SLC26A7: variants seen among roughly 807,000 people sequenced by gnomAD.
SLC26A7 encodes anion exchange transporter.
In SLC26A7, 59 loss-of-function variants were observed where a neutral mutation model predicts 82.5. The ratio of observed to expected loss-of-function variants is 0.72; its 90% CI spans 0.58 to 0.89. The LOEUF is 0.89. Ranked by LOEUF, SLC26A7 falls within the 40% of genes least tolerant of loss-of-function variation. SLC26A7 has a pLI of 0.00. For synonymous variants in SLC26A7, 271 were observed against 274.3 expected, an observed-to-expected ratio of 0.99 and a Z score of 0.12; for missense variants, 820 against 793.0, an observed-to-expected ratio of 1.03 and a Z score of -0.41.
chr8:91,362,685 C>T (rs1019432987), intron 12 of SLC26A7, among the ~76,000 whole-genome samples: 7 of 151,878 alleles, frequency 4.6e-5, no homozygotes, highest in Admixed American at 1.3e-4. Context: ...AGCTTATCAA[C>T]GTGATAAAAT....
At chr8:91,367,262 C>A (rs954178702) in intron 14 of SLC26A7, among the ~76,000 whole-genome samples, 1 of 152,124 alleles carries the variant, frequency 6.6e-6, no homozygotes, top group African/African-American at 2.4e-5. Flanking sequence ...CCCGCCTCGG[C>A]CTTCCAAAGT....
upstream of SLC26A7, among the ~76,000 whole-genome samples, chr8:91,245,207 T>A (rs1810527763): frequency 6.6e-6 from 1 of 152,200 alleles, no homozygotes; most frequent in Admixed American, 6.5e-5. Context: ...ATGTGTTATG[T>A]GTCATTGGGA....
chr8:91,235,342 G>T (rs867275216), intron 2 of SLC26A7, among the ~76,000 whole-genome samples: 1 of 152,116 alleles, frequency 6.6e-6, no homozygotes, highest in Non-Finnish European at 1.5e-5. Flanking sequence ...GAGATGGAAA[G>T]AAATATTACT....
At chr8:91,367,388 G>C (rs1043775545) in intron 14 of SLC26A7, among the ~76,000 whole-genome samples, 1 of 152,114 alleles carries the variant, frequency 6.6e-6, no homozygotes, top group Non-Finnish European at 1.5e-5. Context: ...CTTCAGAGAC[G>C]CATAAACTGT....
intron 9 of SLC26A7, chr8:91,343,976 G>A (rs1813490905): frequency 1.1e-6 from 1 of 875,430 alleles, no homozygotes; most frequent in Admixed American, 6.2e-5. Context: ...TTGAGGGCCT[G>A]TGATATACCA....
rs1812502028 is a variant in SLC26A7 at position 91,311,998 on chromosome 8, CT to C, written c.478-6214del. ...CTCAGTTTTCAGCTTATTTCTTTTCCTTTTGGCTTATTGTATTGAGGTCCCA... is the reference window on the plus strand; with the variant it reads ...CTCAGTTTTCAGCTTATTTCTTTTCCTTTGGCTTATTGTATTGAGGTCCCA... On this transcript the variant is annotated intron_variant, in intron 4 of 18. Coordinates refer to ENST00000276609, the MANE Select transcript of SLC26A7 (RefSeq NM_052832.4). Among the ~76,000 whole-genome samples, 3 of 152,266 alleles carry C rather than the reference CT, an allele frequency of 2.0e-5. No homozygotes were observed. In the East Asian group the frequency reaches 5.8e-4, roughly 29 times the overall value.
intron 4 of SLC26A7, among the ~76,000 whole-genome samples, chr8:91,317,061 A>G (rs1051054147): frequency 6.7e-6 from 1 of 150,330 alleles, no homozygotes; most frequent in Non-Finnish European, 1.5e-5. Flanking sequence ...TCAGGAGGCT[A>G]AAATGGGAGG....
intron 2 of SLC26A7, among the ~76,000 whole-genome samples, chr8:91,251,256 A>G (rs1448468940): frequency 1.3e-5 from 2 of 152,106 alleles, no homozygotes. Flanking sequence ...GTAGTTAATT[A>G]TATGGCTTTT....
At chr8:91,338,370 C>T (rs1390217448) in intron 7 of SLC26A7, 138 bp downstream of exon 7, 3 of 548,726 alleles carry the variant, frequency 5.5e-6, no homozygotes, top group East Asian at 6.6e-5. Context: ...TAGAAATACA[C>T]ACTTCATGTG....
At chr8:91,290,825 T>C (rs1465225467) in intron 3 of SLC26A7, among the ~76,000 whole-genome samples, 1 of 152,236 alleles carries the variant, frequency 6.6e-6, no homozygotes, top group Non-Finnish European at 1.5e-5. Context: ...TATGTAGATT[T>C]GGCTTTTTAA....
At position 91,249,599 on chromosome 8, in the gene SLC26A7, T is replaced by G. The variant is rs935962081; in HGVS notation, c.-53T>G. On this transcript the variant is annotated 5_prime_UTR_variant, in exon 2 of 19. It removes an upstream start codon present in the reference 5' UTR. Transcript: ENST00000276609. ...GGCATTGAAAGGAGGTGTTCTGCAA[T>G]GATTTTTTTTCTTGTTTAGAGAAGT... is the stretch of plus-strand genomic sequence containing the variant. 8 of 1,427,300 alleles carry G rather than the reference T, an allele frequency of 5.6e-6. 1 individual carries two copies. In the East Asian group the frequency reaches 2.1e-4, roughly 37 times the overall value. 88.4% of individuals were successfully genotyped at this position (1,427,300 alleles called of 1,614,324 possible). A position where few individuals can be genotyped will look rare whatever the true frequency, so the allele number is the denominator to read the frequency against.
At chr8:91,346,210 A>C (rs1025898178) in intron 9 of SLC26A7, among the ~76,000 whole-genome samples, 7 of 152,138 alleles carry the variant, frequency 4.6e-5, no homozygotes, top group Non-Finnish European at 7.3e-5. Flanking sequence ...CTTTTCAACA[A>C]CTTCCATTAA....
intron 2 of SLC26A7, among the ~76,000 whole-genome samples, chr8:91,277,957 G>A (rs1172719785): frequency 1.3e-5 from 2 of 152,148 alleles, no homozygotes; most frequent in Non-Finnish European, 2.9e-5. Context: ...GACTAGGAGG[G>A]AGAGATGAGA....
intron 11 of SLC26A7, among the ~76,000 whole-genome samples, chr8:91,359,948 C>G (rs1256597296): frequency 6.6e-6 from 1 of 151,724 alleles, no homozygotes; most frequent in Non-Finnish European, 1.5e-5. Flanking sequence ...ATATCATGTA[C>G]ATAGTCATCA....
At chr8:91,283,773 CT>C (rs1811636065) in intron 2 of SLC26A7, among the ~76,000 whole-genome samples, 1 of 152,154 alleles carries the variant, frequency 6.6e-6, no homozygotes. Flanking sequence ...AATACTTAAG[CT>C]TTTGTCATTG....
Position 91,249,600 on chromosome 8 carries a change from G to T in SLC26A7, c.-52G>T. 1 of 1,429,466 alleles carries T rather than the reference G, an allele frequency of 7.0e-7. No homozygotes were observed. Among genetic ancestry groups the T allele is most frequent in the African/African-American group, 1.5e-5 (1 of 68,236 alleles). The allele number at this position is 1,429,466 out of a possible 1,614,324, so 88.5% of individuals were successfully genotyped here. On this transcript the variant is annotated 5_prime_UTR_variant, in exon 2 of 19. It removes an upstream start codon present in the reference 5' UTR. Coordinates refer to ENST00000276609, the MANE Select transcript of SLC26A7 (RefSeq NM_052832.4). ...GCATTGAAAGGAGGTGTTCTGCAATGATTTTTTTTCTTGTTTAGAGAAGTT... is the reference window on the plus strand; with the variant it reads ...GCATTGAAAGGAGGTGTTCTGCAATTATTTTTTTTCTTGTTTAGAGAAGTT...
At chr8:91,232,779 C>G (rs568056796) in intron 2 of SLC26A7, among the ~76,000 whole-genome samples, 1 of 152,240 alleles carries the variant, frequency 6.6e-6, no homozygotes, top group Admixed American at 6.5e-5. Context: ...CTATGCCTAA[C>G]AGGCTTGTAA....
At chr8:91,259,791 T>C (rs773924189) in intron 2 of SLC26A7, among the ~76,000 whole-genome samples, 24 of 152,128 alleles carry the variant, frequency 1.6e-4, no homozygotes, top group Non-Finnish European at 2.5e-4. Flanking sequence ...TTCTCAACCA[T>C]GGCTACATAT....
chr8:91,372,644 T>C (rs1220567390), intron 15 of SLC26A7, among the ~76,000 whole-genome samples: 1 of 152,084 alleles, frequency 6.6e-6, no homozygotes, highest in Non-Finnish European at 1.5e-5. Context: ...CCTTGAAGTA[T>C]AGTTTGAAGT....
Sources: gnomAD v4.1 joint callset for allele counts (sites outside exome capture counted in the v4.1 genomes callset) on GRCh38, gnomAD v4.1.1 for gene constraint, MANE v1.5 for transcripts, NCBI Gene and HGNC (gene_info 2026-07-23, HGNC 2026-07-21) for gene names.